The following ABLIM3 variants were observed in gnomAD, a reference collection of about 807,000 sequenced individuals.
ABLIM3 encodes actin-binding LIM protein 3.
A neutral mutation model predicts 109.5 loss-of-function variants in ABLIM3; 61 were observed. That is an observed-to-expected ratio of 0.56 (90% CI 0.45 to 0.69). ABLIM3 has a LOEUF of 0.69. Among genes scored for constraint, ABLIM3 ranks in the 30% least tolerant of loss-of-function variants. ABLIM3 has a pLI of 0.00. For missense variants in ABLIM3, 796 were observed against 889.5 expected, an observed-to-expected ratio of 0.89 and a Z score of 1.34; for synonymous variants, 300 against 324.8, an observed-to-expected ratio of 0.92 and a Z score of 0.82.
intron 20 of ABLIM3, among the ~76,000 whole-genome samples, chr5:149,251,128 AGCAT>A (rs930806258): frequency 1.3e-5 from 2 of 152,248 alleles, no homozygotes; most frequent in Admixed American, 6.5e-5. Context: ...AATGAAAGAA[AGCAT>A]GAAGTGAAAT....
chr5:149,190,556 T>C (rs1023689570), intron 3 of ABLIM3, among the ~76,000 whole-genome samples: 1 of 152,072 alleles, frequency 6.6e-6, no homozygotes, highest in African/African-American at 2.4e-5. Context: ...GGTGCATGCC[T>C]GTAGTCCCAG....
At chr5:149,151,366 A>G (rs915953431) in intron 2 of ABLIM3, among the ~76,000 whole-genome samples, 3 of 152,170 alleles carry the variant, frequency 2.0e-5, no homozygotes, top group African/African-American at 7.2e-5. Context: ...TTATATTCTG[A>G]GGTACTGAGG....
At chr5:149,256,577 G>A (rs1269203581) in intron 23 of ABLIM3, among the ~76,000 whole-genome samples, 2 of 152,176 alleles carry the variant, frequency 1.3e-5, no homozygotes, top group African/African-American at 4.8e-5. Context: ...CAGGTATCAG[G>A]GAATTCTGAA....
At position 149,173,817 on chromosome 5, in the gene ABLIM3, C is replaced by A. The variant is rs1351572297; in HGVS notation, c.14-9635C>A. ...CGGGTGGATCACGAGGTCAGGAGAT[C>A]GAGACCATCATGGCTAACACGGTGA... is the stretch of plus-strand genomic sequence containing the variant. On this transcript the variant is annotated intron_variant, in intron 2 of 23. Transcript: ENST00000309868. Among the ~76,000 whole-genome samples the A allele has an allele frequency of 2.6e-5, 4 of 151,984 alleles. No individual in the cohort carries two copies. In the East Asian group the frequency reaches 5.8e-4, roughly 22 times the overall value.
rs35743789 is a variant in ABLIM3, at chr5:149,147,113, ATG to A, written c.13+5028_13+5029del. Among the ~76,000 whole-genome samples the A allele has an allele frequency of 4.7e-3, 652 of 138,248 alleles. 9 individuals carry two copies. The East Asian group carries it at 0.053, about 11-fold the overall frequency. 90.7% of individuals were successfully genotyped at this position (138,248 alleles called of 152,430 possible). A position where few individuals can be genotyped will look rare whatever the true frequency, so the allele number is the denominator to read the frequency against. ...TCGCTCGCTTGCTCGCTCTCTGTGT[ATG>A]TGTGTGTGTGTGTGTGTGTGTGCAT... On this transcript the variant is annotated intron_variant, in intron 2 of 23. Coordinates refer to ENST00000309868, the MANE Select transcript of ABLIM3 (RefSeq NM_014945.5).
rs554873813 is a variant in ABLIM3 at position 149,245,387 on chromosome 5, A to G, written c.1486+372A>G. Among the ~76,000 whole-genome samples, 455 of 152,344 alleles carry G rather than the reference A, an allele frequency of 3.0e-3. 1 individual carries two copies. Among genetic ancestry groups the G allele is most frequent in the Non-Finnish European group, 4.9e-3 (336 of 68,030 alleles). On this transcript the variant is annotated intron_variant, in intron 16 of 23. Coordinates refer to ENST00000309868, the MANE Select transcript of ABLIM3 (RefSeq NM_014945.5). ...ATCAGGAGGGTGGCAAGGATGTAAC[A>G]CAGCAGAGAGTGTAGAAATACTTCT...
In ABLIM3 at chr5:149,147,069, T is replaced by TTCTCTCTCTCTC. The variant is rs200724498; in HGVS notation, c.13+4970_13+4981dup. 4.8e-4 allele frequency among the ~76,000 whole-genome samples: 71 copies of TTCTCTCTCTCTC among 148,742 alleles called. 1 individual carries two copies. Among genetic ancestry groups the TTCTCTCTCTCTC allele is most frequent in the East Asian group, 3.1e-3 (16 of 5,094 alleles). On this transcript the variant is annotated intron_variant, in intron 2 of 23. Transcript: ENST00000309868. ...ATATTCCTAGGGTTTCTCTCTCTCT[T>TTCTCTCTCTCTC]TCTCTCTCTCTCTCTCTCTCGCTCG...
rs767735993 is a variant in ABLIM3 at position 149,239,849 on chromosome 5, C to T, written c.1165C>T (p.Pro389Ser). ...CACCTACAGCCGGCAGGGCATGTCC[C>T]CCACCTTCTCCCGCTCACCTCACCA... ...SPTYSRQGMSPTFSRSPHHYY... is the reference protein window; with the variant it reads ...SPTYSRQGMSSTFSRSPHHYY... Residue 389 changes from proline (P) to serine (S), a missense_variant, in exon 13 of 24, where the codon CCC (proline) becomes TCC (serine). Physicochemically the swap from Pro to Ser is moderately conservative, Grantham distance 74. Transcript: ENST00000309868. 1.2e-6 allele frequency: 2 copies of T among 1,610,580 alleles called. No individual in the cohort carries two copies. The highest frequency in any genetic ancestry group is 1.7e-6 in the Non-Finnish European group (2 of 1,178,224).
intron 3 of ABLIM3, among the ~76,000 whole-genome samples, chr5:149,185,807 C>T (rs1295347029): frequency 2.0e-5 from 3 of 152,186 alleles, no homozygotes; most frequent in East Asian, 1.9e-4. Flanking sequence ...ACATGCACTA[C>T]CATGCTGACA....
chr5:149,142,179 G>C, intron 2 of ABLIM3, 71 bp downstream of exon 2: 1 of 1,590,720 alleles, frequency 6.3e-7, no homozygotes, highest in South Asian at 1.1e-5. Flanking sequence ...CCTGCGCTCG[G>C]GCTGCCTGGA....
chr5:149,160,790 G>A (rs1011262509), intron 2 of ABLIM3, among the ~76,000 whole-genome samples: 5 of 152,162 alleles, frequency 3.3e-5, no homozygotes, highest in African/African-American at 1.2e-4. Context: ...GTAAGCTGGG[G>A]GTTCTGTGTG....
At chr5:149,212,762 A>G (rs1302143486) in intron 7 of ABLIM3, among the ~76,000 whole-genome samples, 1 of 152,216 alleles carries the variant, frequency 6.6e-6, no homozygotes, top group East Asian at 1.9e-4. Flanking sequence ...TCTGGCAGAA[A>G]CATGGCGAGT....
At chr5:149,152,830 G>A (rs1388992101) in intron 2 of ABLIM3, among the ~76,000 whole-genome samples, 5 of 152,034 alleles carry the variant, frequency 3.3e-5, no homozygotes, top group Non-Finnish European at 7.4e-5. Context: ...CCACAACAAT[G>A]ATTGCATGTG....
At chr5:149,221,793 A>T (rs1346840025) in intron 8 of ABLIM3, among the ~76,000 whole-genome samples, 1 of 152,152 alleles carries the variant, frequency 6.6e-6, no homozygotes, top group African/African-American at 2.4e-5. Context: ...GAGTTTTTTT[A>T]AAATCCCAAA....
intron 8 of ABLIM3, chr5:149,217,266 G>T: frequency 1.7e-6 from 1 of 583,416 alleles, no homozygotes; most frequent in East Asian, 2.9e-5. Flanking sequence ...CCGTCTCTGT[G>T]CACCTCCACC....
intron 14 of ABLIM3, among the ~76,000 whole-genome samples, chr5:149,242,159 A>C (rs374577118): frequency 2.0e-4 from 31 of 152,096 alleles, no homozygotes; most frequent in African/African-American, 6.5e-4. Flanking sequence ...CCACTGGTGG[A>C]GGCAGTGGAC....
intron 9 of ABLIM3, among the ~76,000 whole-genome samples, chr5:149,231,198 G>C (rs1333387788): frequency 6.6e-6 from 1 of 152,228 alleles, no homozygotes; most frequent in African/African-American, 2.4e-5. Flanking sequence ...CTAAAGAGGT[G>C]ATGATGTGCC....
chr5:149,186,242 C>T (rs1756946006), intron 3 of ABLIM3, among the ~76,000 whole-genome samples: 1 of 151,936 alleles, frequency 6.6e-6, no homozygotes. Flanking sequence ...GGTGAAACCC[C>T]ACCTCTACTA....
At chr5:149,184,324 C>A (rs1278469005) in intron 3 of ABLIM3, among the ~76,000 whole-genome samples, 1 of 152,184 alleles carries the variant, frequency 6.6e-6, no homozygotes, top group Non-Finnish European at 1.5e-5. Context: ...ACAGAGCAGC[C>A]ATTCTAATGT....
Sources: gnomAD v4.1 joint callset for allele counts (sites outside exome capture counted in the v4.1 genomes callset) on GRCh38, gnomAD v4.1.1 for gene constraint, MANE v1.5 for transcripts, NCBI Gene and HGNC (gene_info 2026-07-23, HGNC 2026-07-21) for gene names.